Variants in ERCC8 observed in about 807,000 individuals in gnomAD.
ERCC8 encodes the protein DNA excision repair protein ERCC-8.
ERCC8 carries 52 observed loss-of-function variants against 54.9 expected under a neutral mutation model. That is an observed-to-expected ratio of 0.95 (90% confidence interval 0.76 to 1.19). The LOEUF (loss-of-function observed/expected upper bound fraction) is 1.19, where lower values mean the gene tolerates loss of function less well. ERCC8 is among the 50% of genes most tolerant of loss of function. The probability of loss-of-function intolerance (pLI) is 0.00; values close to 1 mark genes in which losing one functional copy is unlikely to be tolerated. For synonymous variants in ERCC8, 146 were observed against 157.2 expected (o/e 0.93, Z 0.53); for missense variants, 514 against 466.1 (o/e 1.10, Z -0.95).
At chr5:60,890,756 A>G (rs1001951997) in intron 10 of ERCC8, 133 bp downstream of exon 10, 1 of 706,258 alleles carries the variant, frequency 1.4e-6, no homozygotes, top group Non-Finnish European at 2.5e-6. Flanking sequence ...GCTATTCTCT[A>G]TTAAATAAAT....
chr5:60,939,326 C>T (rs891866825), intron 1 of ERCC8, among the ~76,000 whole-genome samples: 7 of 152,100 alleles, frequency 4.6e-5, no homozygotes, highest in East Asian at 1.9e-4. Flanking sequence ...AATGTTCCTT[C>T]GGATTTCATT....
At chr5:60,886,136 G>A (rs1158074694) in intron 11 of ERCC8, among the ~76,000 whole-genome samples, 3 of 151,870 alleles carry the variant, frequency 2.0e-5, no homozygotes, top group African/African-American at 7.3e-5. Context: ...TAAGATAAAT[G>A]AGGATGATTA....
At chr5:60,892,163 A>T in intron 9 of ERCC8, 1 of 519,018 alleles carries the variant, frequency 1.9e-6, no homozygotes, top group Non-Finnish European at 3.9e-6. Flanking sequence ...GTGGTGGTCT[A>T]CATTGAGTTT....
At chr5:60,903,588 G>A (rs759120854) in intron 6 of ERCC8, 60 bp downstream of exon 6, 46 of 1,605,912 alleles carry the variant, frequency 2.9e-5, no homozygotes, top group East Asian at 4.5e-5. Flanking sequence ...TGTTAGTAAC[G>A]TTTCTTTTTA....
chr5:60,911,162 T>C (rs1277009397), intron 4 of ERCC8, among the ~76,000 whole-genome samples: 1 of 152,122 alleles, frequency 6.6e-6, no homozygotes, highest in Non-Finnish European at 1.5e-5. Context: ...CTGCACCCAT[T>C]AACTCATCAT....
chr5:60,886,008 G>A (rs1358798912), intron 11 of ERCC8, among the ~76,000 whole-genome samples: 2 of 151,806 alleles, frequency 1.3e-5, no homozygotes, highest in African/African-American at 4.8e-5. Context: ...TTACCTTAAG[G>A]TGTTTCCAAC....
In ERCC8 at chr5:60,918,294, G is replaced by C; in HGVS notation, c.370C>G (p.Leu124Val). The C allele has an allele frequency of 6.3e-7, 1 of 1,598,688 alleles. No individual in the cohort carries two copies. Among genetic ancestry groups the C allele is most frequent in the Non-Finnish European group, 8.6e-7 (1 of 1,166,544 alleles). ...AATGTATTTGTATCCCATACTTTCA[G>C]AGTTTTATCAAATGAGCTTGATGTG... ...MFTSSSFDKT[L>V]KVWDTNTLQT... Residue 124 changes from leucine to valine, a missense_variant, in exon 4 of 12, where the codon CTG becomes GTG. Coordinates refer to ENST00000676185, the MANE Select transcript of ERCC8 (RefSeq NM_000082.4).
At chr5:60,883,230 A>G (rs1053902380) in intron 11 of ERCC8, among the ~76,000 whole-genome samples, 1 of 152,242 alleles carries the variant, frequency 6.6e-6, no homozygotes, top group African/African-American at 2.4e-5. Flanking sequence ...AAATAATGAT[A>G]TATGAATGCA....
chr5:60,880,758 C>T (rs1161961097), intron 11 of ERCC8, among the ~76,000 whole-genome samples: 2 of 152,040 alleles, frequency 1.3e-5, no homozygotes, highest in Non-Finnish European at 2.9e-5. Flanking sequence ...TTCTAGTTAG[C>T]CATTTGTCTA....
rs4647159 is a variant in ERCC8, at chr5:60,873,655, C to A, written c.*960G>T. On this transcript the variant is annotated 3_prime_UTR_variant, in exon 12 of 12. Transcript: ENST00000676185. ...TCAAAACACTGCACTCCGGCCTGAG[C>A]GACAGAGTGAAACTCCATCTCAGGA... Among the ~76,000 whole-genome samples the A allele has an allele frequency of 0.032, 4,867 of 151,950 alleles. 195 individuals are homozygous for A. The highest frequency in any genetic ancestry group is 0.088 in the African/African-American group (3,666 of 41,440).
At chr5:60,905,306 A>G (rs1428081679) in intron 4 of ERCC8, among the ~76,000 whole-genome samples, 1 of 152,082 alleles carries the variant, frequency 6.6e-6, no homozygotes, top group East Asian at 1.9e-4. Flanking sequence ...TATGACCACA[A>G]TCTTCTACCA....
Position 60,907,362 on chromosome 5 carries a change from T to TA in ERCC8, c.400-2490_400-2489insT, listed in dbSNP as rs1217327955. On this transcript the variant is annotated intron_variant, in intron 4 of 11. Transcript: ENST00000676185. ...TATCATAGAAACATGATTCTTTTTT[T>TA]TTTTTTTTTTGAGATGGAGTCGCTC... 7 of 150,874 alleles carry TA rather than the reference T, an allele frequency of 4.6e-5. No homozygotes were observed. In the East Asian group the frequency reaches 1.4e-3, roughly 29 times the overall value. 9.3% of individuals were successfully genotyped at this position (150,874 alleles called of 1,614,324 possible).
Position 60,867,352 on chromosome 5 carries a change from T to C in ERCC8, c.*7263A>G, listed in dbSNP as rs1747775197. Among the ~76,000 whole-genome samples, 1 of 151,922 alleles carries C rather than the reference T, an allele frequency of 6.6e-6. No individual in the cohort carries two copies. Among genetic ancestry groups the C allele is most frequent in the African/African-American group, 2.4e-5 (1 of 41,336 alleles). On this transcript the variant is annotated 3_prime_UTR_variant, in exon 12 of 12. Coordinates refer to ENST00000676185, the MANE Select transcript of ERCC8 (RefSeq NM_000082.4). The stretch of plus-strand genomic sequence containing the variant: ...TCACTGCAACCTCCGCCTTCAGGGT[T>C]CAGGCCATTCTCCTGCCTCTGATGC...
At position 60,872,925 on chromosome 5, in the gene ERCC8, A is replaced by G. The variant is rs890232022; in HGVS notation, c.*1690T>C. 1.3e-5 allele frequency among the ~76,000 whole-genome samples: 2 copies of G among 152,348 alleles called. No homozygotes were observed. Among genetic ancestry groups the G allele is most frequent in the East Asian group, 1.9e-4 (1 of 5,192 alleles). On this transcript the variant is annotated 3_prime_UTR_variant, in exon 12 of 12. Transcript: ENST00000676185. ...ATGGTATCAACCTAAGCATCTGTCA[A>G]TGGTTGAATGGATAAAGAAAATGTA... is the stretch of plus-strand genomic sequence containing the variant.
chr5:60,884,532 T>TG (rs1421148837), intron 11 of ERCC8, among the ~76,000 whole-genome samples: 4 of 150,700 alleles, frequency 2.7e-5, no homozygotes, highest in Admixed American at 6.6e-5. Flanking sequence ...TGTTTTTTTT[T>TG]TTTTTGTTTT....
At chr5:60,900,155 G>GT (rs767246930) in intron 7 of ERCC8, among the ~76,000 whole-genome samples, 2 of 151,878 alleles carry the variant, frequency 1.3e-5, no homozygotes, top group East Asian at 3.9e-4. Context: ...ATGATTTGGT[G>GT]TTTTTTTCCT....
chr5:60,944,851 C>T (rs575441034), intron 1 of ERCC8, 81 bp downstream of exon 1: 2 of 1,042,364 alleles, frequency 1.9e-6, no homozygotes, highest in African/African-American at 3.1e-5. Flanking sequence ...AGCGATGAGA[C>T]GGGAAAGTGT....
At chr5:60,886,397 G>T (rs909413192) in intron 11 of ERCC8, among the ~76,000 whole-genome samples, 2 of 152,104 alleles carry the variant, frequency 1.3e-5, no homozygotes, top group Admixed American at 1.3e-4. Flanking sequence ...AATTTGACGT[G>T]AGAACAAAGT....
rs1479650431 is a variant in ERCC8, at chr5:60,881,270, T to C, written c.1122+6170A>G. 2.0e-5 allele frequency among the ~76,000 whole-genome samples: 3 copies of C among 152,326 alleles called. No individual in the cohort carries two copies. The East Asian group carries it at 5.8e-4, about 29-fold the overall frequency. On this transcript the variant is annotated intron_variant, in intron 11 of 11. Transcript: ENST00000676185. The stretch of plus-strand genomic sequence containing the variant: ...GCTCTGTGAGGTGTCAGTCTGCCCC[T>C]ACTGGGGGGTGCCTCACAGTTAGGC...
Sources: gnomAD v4.1 joint callset for allele counts (sites outside exome capture counted in the v4.1 genomes callset) on GRCh38, gnomAD v4.1.1 for gene constraint, MANE v1.5 for transcripts, NCBI Gene and HGNC (gene_info 2026-07-23, HGNC 2026-07-21) for gene names.